The following FRA10AC1 variants were observed in gnomAD, a reference collection of about 807,000 sequenced individuals.
FRA10AC1 encodes the protein FRA10A associated CGG repeat 1, also known as protein FRA10AC1.
Under a neutral mutation model 56.5 loss-of-function variants are expected in FRA10AC1, and 43 were observed. The observed-to-expected ratio is 0.76, with a 90% CI of 0.60 to 0.98. The LOEUF (loss-of-function observed/expected upper bound fraction) is 0.98, where lower values mean the gene tolerates loss of function less well. Ranked by LOEUF, FRA10AC1 falls within the 50% of genes least tolerant of loss-of-function variation. FRA10AC1 has a pLI of 0.00. For missense variants in FRA10AC1, 346 were observed against 351.8 expected (o/e 0.98, Z 0.13); for synonymous variants, 112 against 110.5 (o/e 1.01, Z -0.09).
intron 10 of FRA10AC1, among the ~76,000 whole-genome samples, chr10:93,683,835 C>T (rs1379019849): frequency 6.6e-6 from 1 of 152,038 alleles, no homozygotes; most frequent in Non-Finnish European, 1.5e-5. Flanking sequence ...ATCCATCTAC[C>T]ACCTCACATA....
intron 5 of FRA10AC1, among the ~76,000 whole-genome samples, chr10:93,693,587 T>C (rs1413634939): frequency 6.9e-6 from 1 of 145,032 alleles, no homozygotes; most frequent in African/African-American, 2.5e-5. Flanking sequence ...ACACCATATA[T>C]ATATACACAC....
Position 93,687,400 on chromosome 10 carries a change from T to C in FRA10AC1, c.511+4A>G. The C allele has an allele frequency of 1.3e-6, 2 of 1,501,014 alleles. No individual in the cohort carries two copies. The highest frequency in any genetic ancestry group is 1.8e-6 in the Non-Finnish European group (2 of 1,107,168). The allele number at this position is 1,501,014 out of a possible 1,614,324, so 93.0% of individuals were successfully genotyped here. ...ATTAAAAAGTAAAAATTTTAAAGAA[T>C]TACCTTTTCCTGAAATTACTTCTTT... On this transcript the variant is annotated splice_donor_region_variant and intron_variant, in intron 8 of 13. Coordinates refer to ENST00000359204, the MANE Select transcript of FRA10AC1 (RefSeq NM_145246.5).
At chr10:93,701,718 C>T (rs4919436) in intron 1 of FRA10AC1, among the ~76,000 whole-genome samples, 100,445 of 151,826 alleles carry the variant, frequency 0.66, 34,027 homozygotes, top group Middle Eastern at 0.78. Context: ...AGCTGTCTTA[C>T]CACATCTGTT....
At position 93,682,731 on chromosome 10, in the gene FRA10AC1, G is replaced by T. The variant is rs1158767102; in HGVS notation, c.669-1133C>A. 2.6e-5 allele frequency among the ~76,000 whole-genome samples: 4 copies of T among 152,280 alleles called. No homozygotes were observed. In the South Asian group the frequency reaches 8.3e-4, roughly 32 times the overall value. ...GAGGTGTGAGGATCACTTGAGCCCA[G>T]GAGGCTGAGGCTGCAATGAGCCATG... On this transcript the variant is annotated intron_variant, in intron 10 of 13. Transcript: ENST00000359204.
At chr10:93,693,673 CATATAT>C (rs368987348) in intron 5 of FRA10AC1, among the ~76,000 whole-genome samples, 458 of 90,766 alleles carry the variant, frequency 5.0e-3, no homozygotes, top group South Asian at 6.7e-3. Flanking sequence ...ATATATACAC[CATATAT>C]ATATATATAT....
intron 12 of FRA10AC1, 67 bp downstream of exon 12, chr10:93,676,586 T>G: frequency 6.7e-7 from 1 of 1,489,486 alleles, no homozygotes; most frequent in Non-Finnish European, 8.9e-7. Flanking sequence ...AAGATACGAT[T>G]CATGGGAAAT....
intron 8 of FRA10AC1, among the ~76,000 whole-genome samples, chr10:93,686,018 GACTA>G (rs1386829481): frequency 6.6e-6 from 1 of 151,434 alleles, no homozygotes; most frequent in Non-Finnish European, 1.5e-5. Flanking sequence ...TCCAAAAAAA[GACTA>G]ACTGATAACC....
intron 1 of FRA10AC1, among the ~76,000 whole-genome samples, 200 bp from the exon 2 acceptor site, chr10:93,700,306 C>T (rs937770891): frequency 2.0e-5 from 3 of 152,154 alleles, no homozygotes; most frequent in African/African-American, 7.2e-5. Flanking sequence ...GGAAATGCAT[C>T]AACATTTTTC....
chr10:93,695,134 A>G (rs1307685240), intron 4 of FRA10AC1, among the ~76,000 whole-genome samples, 197 bp from the exon 5 acceptor site: 3 of 152,148 alleles, frequency 2.0e-5, no homozygotes, highest in Non-Finnish European at 2.9e-5. Context: ...ATTGTAAAGT[A>G]CAGGCTTTCT....
Position 93,695,269 on chromosome 10 carries a change from T to TC in FRA10AC1, c.220-333dup, listed in dbSNP as rs1194545543. On this transcript the variant is annotated intron_variant, in intron 4 of 13. Transcript: ENST00000359204. The stretch of plus-strand genomic sequence containing the variant: ...CTCCTACCACCACTCATTCTAATAA[T>TC]CACAATATGAAAAATTTAAAAATTA... Among the ~76,000 whole-genome samples, 8 of 152,102 alleles carry TC rather than the reference T, an allele frequency of 5.3e-5. No homozygotes were observed. In the South Asian group the frequency reaches 1.0e-3, roughly 20 times the overall value.
At chr10:93,689,510 G>T (rs945422729) in intron 7 of FRA10AC1, among the ~76,000 whole-genome samples, 71 of 152,164 alleles carry the variant, frequency 4.7e-4, no homozygotes, top group Middle Eastern at 3.4e-3. Flanking sequence ...CTGAAGCACA[G>T]CCAAGTGTAA....
Position 93,669,132 on chromosome 10 carries a change from G to T in FRA10AC1, c.*694C>A, listed in dbSNP as rs188097634. On this transcript the variant is annotated 3_prime_UTR_variant, in exon 14 of 14. Transcript: ENST00000359204. Reference sequence around the variant, plus strand: ...TTAAGTGGTAGAGGTTAAGAAGGAAGCAAGAGACAGGCAAGCAAAAAACCT... The same window carrying T: ...TTAAGTGGTAGAGGTTAAGAAGGAATCAAGAGACAGGCAAGCAAAAAACCT... The T allele has an allele frequency of 2.8e-4, 42 of 152,252 alleles. No homozygotes were observed. Among genetic ancestry groups the T allele is most frequent in the Admixed American group, 2.7e-3 (42 of 15,280 alleles). The allele number at this position is 152,252 out of a possible 1,614,324, so 9.4% of individuals were successfully genotyped here.
chr10:93,693,672 C>G (rs1160653302), intron 5 of FRA10AC1, among the ~76,000 whole-genome samples: 1 of 65,896 alleles, frequency 1.5e-5, no homozygotes, highest in Non-Finnish European at 4.7e-5. Flanking sequence ...TATATATACA[C>G]CATATATATA....
chr10:93,669,797 T>C lies in FRA10AC1; in HGVS notation c.*29A>G. ...GTTTAAAACTTCATGAAGTTTCACA[T>C]TAAGGAGCGGAGGCTTCTCTCTCTC... On this transcript the variant is annotated 3_prime_UTR_variant, in exon 14 of 14. Transcript: ENST00000359204. 6.8e-7 allele frequency: 1 copy of C among 1,477,338 alleles called. No homozygotes were observed. The highest frequency in any genetic ancestry group is 9.3e-7 in the Non-Finnish European group (1 of 1,075,508). 91.5% of individuals were successfully genotyped at this position (1,477,338 alleles called of 1,614,324 possible).
Position 93,699,931 on chromosome 10 carries a change from C to T in FRA10AC1, c.77+99G>A. 1.8e-5 allele frequency: 12 copies of T among 678,712 alleles called. No homozygotes were observed. The South Asian group carries it at 2.1e-4, about 12-fold the overall frequency. 42.0% of individuals were successfully genotyped at this position (678,712 alleles called of 1,614,324 possible). A position where few individuals can be genotyped will look rare whatever the true frequency, so the allele number is the denominator to read the frequency against. Reference sequence around the variant, plus strand: ...TCATTCACTAGAGCAATTGTCTTCACATGTAAACAGAATTCAAAAATTTCA... The same window carrying T: ...TCATTCACTAGAGCAATTGTCTTCATATGTAAACAGAATTCAAAAATTTCA... On this transcript the variant is annotated intron_variant, in intron 2 of 13. Transcript: ENST00000359204.
chr10:93,687,668 G>A, intron 7 of FRA10AC1: 1 of 372,968 alleles, frequency 2.7e-6, no homozygotes, highest in African/African-American at 2.1e-5. Context: ...AGTTATAGGT[G>A]CCAGGCCACA....
In FRA10AC1 at chr10:93,668,797, C is replaced by T. The variant is rs2058717754; in HGVS notation, c.*1029G>A. 6.6e-6 allele frequency: 1 copy of T among 152,242 alleles called. No homozygotes were observed. Among genetic ancestry groups the T allele is most frequent in the Non-Finnish European group, 1.5e-5 (1 of 68,068 alleles). The allele number at this position is 152,242 out of a possible 1,614,324, so 9.4% of individuals were successfully genotyped here. On this transcript the variant is annotated 3_prime_UTR_variant, in exon 14 of 14. Transcript: ENST00000359204. ...CCCCCTTGATTCAAATTATCTCTCA[C>T]TGGATCCCTCCTATAAAATGTGGGA...
intron 11 of FRA10AC1, 50 bp from the exon 12 acceptor site, chr10:93,676,741 A>T: frequency 6.6e-7 from 1 of 1,514,570 alleles, no homozygotes; most frequent in Non-Finnish European, 8.8e-7. Context: ...GTAATAGTGC[A>T]ATCATTGTAG....
intron 6 of FRA10AC1, 119 bp downstream of exon 6, chr10:93,692,527 T>C (rs558825722): frequency 4.6e-6 from 3 of 654,998 alleles, no homozygotes; most frequent in East Asian, 6.2e-5. Flanking sequence ...CTTGATTTTA[T>C]GTCCTTGATT....
Sources: gnomAD v4.1 joint callset for allele counts (sites outside exome capture counted in the v4.1 genomes callset) on GRCh38, gnomAD v4.1.1 for gene constraint, MANE v1.5 for transcripts, NCBI Gene and HGNC (gene_info 2026-07-23, HGNC 2026-07-21) for gene names.